Variants in FAHD2A observed in about 807,000 individuals in gnomAD.
FAHD2A encodes fumarylacetoacetate hydrolase domain containing 2A, also known as oxaloacetate tautomerase FAHD2A, mitochondrial.
A neutral mutation model predicts 33.4 loss-of-function variants in FAHD2A; 27 were observed. That is an observed-to-expected ratio of 0.81 (90% confidence interval 0.60 to 1.11). FAHD2A has a LOEUF of 1.11. FAHD2A is among the 50% of genes most tolerant of loss of function. The pLI is 0.00. For missense variants in FAHD2A, 296 were observed against 395.0 expected, an observed-to-expected ratio of 0.75 and a Z score of 2.12; for synonymous variants, 130 against 153.3, an observed-to-expected ratio of 0.85 and a Z score of 1.12.
Position 95,413,455 on chromosome 2 carries a change from C to A in FAHD2A, c.*498C>A. 1.9e-6 allele frequency: 3 copies of A among 1,610,230 alleles called. No homozygotes were observed. In the South Asian group the frequency reaches 3.3e-5, roughly 18 times the overall value. ...CACAGGCTCCTTCTCACAGTTCTAG[C>A]TACAAGTGAACTGCCGGATGAACTG... On this transcript the variant is annotated 3_prime_UTR_variant, in exon 8 of 8. Transcript: ENST00000233379.
chr2:95,407,859 T>G (rs1241921345), intron 3 of FAHD2A, among the ~76,000 whole-genome samples: 2 of 152,228 alleles, frequency 1.3e-5, no homozygotes, highest in African/African-American at 4.8e-5. Context: ...TTTCTAACAC[T>G]GGTTACTTTT....
chr2:95,411,321 A>G (rs1261140861), intron 5 of FAHD2A, among the ~76,000 whole-genome samples: 4 of 152,238 alleles, frequency 2.6e-5, no homozygotes, highest in South Asian at 2.1e-4. Context: ...CCACCTCTGA[A>G]ACAATCTAAG....
At chr2:95,410,497 G>T in intron 3 of FAHD2A, 30 bp from the exon 4 acceptor site, 1 of 1,593,352 alleles carries the variant, frequency 6.3e-7, no homozygotes, top group South Asian at 1.1e-5. Context: ...TGAAGCCACT[G>T]CAGCTCACTG....
intron 2 of FAHD2A, among the ~76,000 whole-genome samples, 184 bp from the exon 3 acceptor site, chr2:95,406,757 A>T (rs1681629013): frequency 6.6e-6 from 1 of 152,242 alleles, no homozygotes; most frequent in Admixed American, 6.5e-5. Flanking sequence ...CTGGATAAAT[A>T]AAAGCCCTGC....
rs200799023 is a variant in FAHD2A, at chr2:95,410,974, C to T, written c.633C>T (p.Phe211=). 1.3e-5 allele frequency: 21 copies of T among 1,614,006 alleles called. No individual in the cohort carries two copies. The highest frequency in any genetic ancestry group is 9.3e-5 in the African/African-American group (7 of 75,048). Residue 211 remains phenylalanine, a synonymous_variant, in exon 5 of 8, where the codon TTC becomes TTT. Coordinates refer to ENST00000233379, the MANE Select transcript of FAHD2A (RefSeq NM_016044.3). ...NGKQWLLGKT[F]DTFCPLGPAL... ...AACAATGGCTGCTGGGAAAAACCTT[C>T]GACACCTTCTGCCCTCTGGGCCCTG... is the stretch of plus-strand genomic sequence containing the variant.
chr2:95,406,977 G>A lies in FAHD2A; in HGVS notation c.282G>A (p.Ser94=), dbSNP rs544140833. 3.2e-5 allele frequency: 51 copies of A among 1,613,930 alleles called. No homozygotes were observed. The Middle Eastern group carries it at 5.0e-4, about 16-fold the overall frequency. ...LAAQLPVLPR[S]EVTFLAPVTR... Reference sequence around the variant, plus strand: ...CCCAGTTGCCAGTCCTACCACGGTCGGAGGTAACCTTCCTGGCTCCAGTCA... The same window carrying A: ...CCCAGTTGCCAGTCCTACCACGGTCAGAGGTAACCTTCCTGGCTCCAGTCA... The change falls in exon 3 of 8, where the codon TCG becomes TCA. Residue 94 remains serine (S), a synonymous_variant. Coordinates refer to ENST00000233379, the MANE Select transcript of FAHD2A (RefSeq NM_016044.3).
chr2:95,413,083 G>C lies in FAHD2A; in HGVS notation c.*126G>C. On this transcript the variant is annotated 3_prime_UTR_variant, in exon 8 of 8. Transcript: ENST00000233379. ...TGCAAGCCGCCTCTTCTCGGTAGAA[G>C]GGAGAAGGACAGAGCTCTCTTCAAT... 3 of 1,286,726 alleles carry C rather than the reference G, an allele frequency of 2.3e-6. No individual in the cohort carries two copies. The South Asian group carries it at 4.2e-5, about 18-fold the overall frequency. The allele number at this position is 1,286,726 out of a possible 1,614,324, so 79.7% of individuals were successfully genotyped here.
chr2:95,419,789 T>G (rs555999296), downstream of FAHD2A, among the ~76,000 whole-genome samples: 85 of 151,822 alleles, frequency 5.6e-4, 3 homozygotes, highest in African/African-American at 2.0e-3. Flanking sequence ...CATACAGACC[T>G]ATATATCTAT....
chr2:95,411,690 G>C (rs1196036962), intron 5 of FAHD2A, among the ~76,000 whole-genome samples: 1 of 152,238 alleles, frequency 6.6e-6, no homozygotes, highest in Admixed American at 6.5e-5. Context: ...AAAAGTGCTG[G>C]TTAGCCAGGA....
chr2:95,419,657 T>C (rs1352547396), downstream of FAHD2A, among the ~76,000 whole-genome samples: 2 of 152,020 alleles, frequency 1.3e-5, no homozygotes, highest in Non-Finnish European at 2.9e-5. Context: ...CGCATTGCTA[T>C]CCTAGTGGCA....
In FAHD2A at chr2:95,406,928, C is replaced by G. The variant is rs1259807130; in HGVS notation, c.246-13C>G. On this transcript the variant is annotated splice_polypyrimidine_tract_variant and intron_variant, in intron 2 of 7. Transcript: ENST00000233379. The stretch of plus-strand genomic sequence containing the variant: ...TCCCAGCCAGACCCTCTCACCTGCT[C>G]TGGTCTCTACAGAGCCCTGGCTGCC... 5.6e-6 allele frequency: 9 copies of G among 1,606,466 alleles called. No homozygotes were observed. The highest frequency in any genetic ancestry group is 7.7e-6 in the Non-Finnish European group (9 of 1,176,108).
At chr2:95,417,424 A>G (rs1480353887), downstream of FAHD2A, among the ~76,000 whole-genome samples, 1 of 152,114 alleles carries the variant, frequency 6.6e-6, no homozygotes, top group East Asian at 1.9e-4. Flanking sequence ...CTACATTTAC[A>G]GGAAGCTGGC....
At chr2:95,419,018 TG>T (rs1419053670), downstream of FAHD2A, among the ~76,000 whole-genome samples, 1 of 152,008 alleles carries the variant, frequency 6.6e-6, no homozygotes, top group Non-Finnish European at 1.5e-5. Flanking sequence ...AGATGGAGGC[TG>T]AAGTGATGCA....
Position 95,410,990 on chromosome 2 carries a change from C to G in FAHD2A, c.649C>G (p.Leu217Val). 6.2e-7 allele frequency: 1 copy of G among 1,613,992 alleles called. No individual in the cohort carries two copies. ...AAAAACCTTCGACACCTTCTGCCCT[C>G]TGGGCCCTGCCTTGGTGACCAAGGA... ...LGKTFDTFCPLGPALVTKDSV... is the reference protein window; with the variant it reads ...LGKTFDTFCPVGPALVTKDSV... The change falls in exon 5 of 8, where the codon CTG (leucine) becomes GTG (valine). Residue 217 changes from leucine to valine, a missense_variant. Leu to Val is a conservative substitution (Grantham distance 32). Coordinates refer to ENST00000233379, the MANE Select transcript of FAHD2A (RefSeq NM_016044.3).
intron 3 of FAHD2A, among the ~76,000 whole-genome samples, chr2:95,408,336 A>G (rs1681954460): frequency 6.6e-6 from 1 of 152,176 alleles, no homozygotes; most frequent in Non-Finnish European, 1.5e-5. Context: ...CACACACTGT[A>G]TTCAGTTATA....
chr2:95,410,147 A>G (rs758944273), intron 3 of FAHD2A, among the ~76,000 whole-genome samples: 34 of 152,230 alleles, frequency 2.2e-4, no homozygotes, highest in Non-Finnish European at 4.4e-4. Context: ...AATAGATTAA[A>G]ACACTTAGAA....
chr2:95,411,315 C>CA (rs1682461891), intron 5 of FAHD2A, among the ~76,000 whole-genome samples: 1 of 152,254 alleles, frequency 6.6e-6, no homozygotes, highest in Non-Finnish European at 1.5e-5. Context: ...CGGCTGCCAC[C>CA]TCTGAAACAA....
At position 95,413,648 on chromosome 2, in the gene FAHD2A, A is replaced by C; in HGVS notation, c.*691A>C. ...GGCCCAGGGGCCAGGCCTGTCCCCC[A>C]GAAACCTGCCTTGAGACCTCTGACC... On this transcript the variant is annotated 3_prime_UTR_variant, in exon 8 of 8. Coordinates refer to ENST00000233379, the MANE Select transcript of FAHD2A (RefSeq NM_016044.3). 7.1e-7 allele frequency: 1 copy of C among 1,406,964 alleles called. No individual in the cohort carries two copies. Among genetic ancestry groups the C allele is most frequent in the Non-Finnish European group, 9.4e-7 (1 of 1,061,530 alleles). The allele number at this position is 1,406,964 out of a possible 1,614,324, so 87.2% of individuals were successfully genotyped here. A position where few individuals can be genotyped will look rare whatever the true frequency, so the allele number is the denominator to read the frequency against.
At chr2:95,418,872 A>G (rs548191330), downstream of FAHD2A, among the ~76,000 whole-genome samples, 26 of 152,234 alleles carry the variant, frequency 1.7e-4, no homozygotes, top group Admixed American at 2.0e-4. Context: ...ATTTGAAAAT[A>G]AAGTCTTTGC....
Sources: gnomAD v4.1 joint callset for allele counts (sites outside exome capture counted in the v4.1 genomes callset) on GRCh38, gnomAD v4.1.1 for gene constraint, MANE v1.5 for transcripts, NCBI Gene and HGNC (gene_info 2026-07-23, HGNC 2026-07-21) for gene names.